The following CRADD variants were observed in gnomAD, a reference collection of about 807,000 sequenced individuals.
CRADD encodes the protein CARD and death domain containing adaptor protein, also known as death domain-containing protein CRADD.
A neutral mutation model predicts 15.5 loss-of-function variants in CRADD; 9 were observed. That is an observed-to-expected ratio of 0.58 (90% CI 0.35 to 1.01). The LOEUF (loss-of-function observed/expected upper bound fraction) is 1.01. Among genes scored for constraint, CRADD ranks in the 50% least tolerant of loss-of-function variants. The probability of loss-of-function intolerance (pLI) is 0.02; values close to 1 mark genes in which losing one functional copy is unlikely to be tolerated. For synonymous variants in CRADD, 118 were observed against 107.6 expected, an observed-to-expected ratio of 1.10 and a Z score of -0.60; for missense variants, 227 against 250.3, an observed-to-expected ratio of 0.91 and a Z score of 0.63.
At chr12:93,847,831 T>G (rs1010077991) in intron 2 of CRADD, among the ~76,000 whole-genome samples, 1 of 152,236 alleles carries the variant, frequency 6.6e-6, no homozygotes, top group African/African-American at 2.4e-5. Context: ...CAGTTAACCC[T>G]TGAGTTTTCG....
chr12:93,688,607 C>A (rs942979695), intron 2 of CRADD, among the ~76,000 whole-genome samples: 1 of 152,054 alleles, frequency 6.6e-6, no homozygotes, highest in South Asian at 2.1e-4. Context: ...CAGCTATATT[C>A]TAAGTCCTTT....
At chr12:93,845,380 G>A (rs60318766) in intron 2 of CRADD, among the ~76,000 whole-genome samples, 8,237 of 152,226 alleles carry the variant, frequency 0.054, 271 homozygotes, top group African/African-American at 0.085. Context: ...ATGGCAGTGA[G>A]TGTCATGACT....
chr12:93,879,368 C>T (rs1406210562), intron 2 of CRADD, among the ~76,000 whole-genome samples: 3 of 152,284 alleles, frequency 2.0e-5, no homozygotes, highest in Non-Finnish European at 4.4e-5. Flanking sequence ...TAATTCTCTA[C>T]TCATTCAGCT....
At chr12:93,881,468 A>G (rs902408221) in intron 2 of CRADD, among the ~76,000 whole-genome samples, 1 of 151,574 alleles carries the variant, frequency 6.6e-6, no homozygotes, top group Non-Finnish European at 1.5e-5. Flanking sequence ...AATCCTTTGC[A>G]GCTTCCAAGA....
At chr12:93,715,413 GA>G (rs1956144429) in intron 2 of CRADD, among the ~76,000 whole-genome samples, 1 of 152,206 alleles carries the variant, frequency 6.6e-6, no homozygotes. Context: ...TATTGTAGAG[GA>G]ACCTGTTTAT....
chr12:93,770,241 G>A lies in CRADD; in HGVS notation c.299-79729G>A, dbSNP rs376481298. 8.8e-4 allele frequency among the ~76,000 whole-genome samples: 133 copies of A among 151,400 alleles called. 1 individual carries two copies. In the East Asian group the frequency reaches 0.017, roughly 19 times the overall value. On this transcript the variant is annotated intron_variant, in intron 2 of 2. Coordinates refer to ENST00000332896, the MANE Select transcript of CRADD (RefSeq NM_003805.5). ...CTCCCGAGTAGCTGGGACTACAGGC[G>A]CCCGCCATCACGCCCGGCTAATTTT... is the stretch of plus-strand genomic sequence containing the variant.
At chr12:93,698,864 A>G (rs1463567989) in intron 2 of CRADD, among the ~76,000 whole-genome samples, 1 of 152,250 alleles carries the variant, frequency 6.6e-6, no homozygotes, top group Non-Finnish European at 1.5e-5. Context: ...ATTGGAACAC[A>G]GCCATGCTTA....
downstream of CRADD, among the ~76,000 whole-genome samples, chr12:93,854,932 G>A (rs1415333171): frequency 2.0e-5 from 3 of 152,054 alleles, no homozygotes; most frequent in Non-Finnish European, 4.4e-5. Context: ...GGTGGCTCAC[G>A]CCTATAATCC....
intron 2 of CRADD, among the ~76,000 whole-genome samples, chr12:93,742,440 GCCGGCTGCCTCTGCGGGCC>G (rs576081916): frequency 1.3e-5 from 2 of 150,726 alleles, no homozygotes; most frequent in Non-Finnish European, 3.0e-5. Flanking sequence ...GCCCTAGGGC[GCCGGCTGCCTCTGCGGGCC>G]CCGGCTGCCC....
intron 2 of CRADD, among the ~76,000 whole-genome samples, chr12:93,806,129 A>G (rs1263741811): frequency 6.6e-6 from 1 of 152,104 alleles, no homozygotes; most frequent in Admixed American, 6.6e-5. Context: ...GTCAGTTACC[A>G]TGAGCCTGGT....
intron 2 of CRADD, among the ~76,000 whole-genome samples, chr12:93,797,850 A>T (rs1464163959): frequency 6.6e-6 from 1 of 152,244 alleles, no homozygotes; most frequent in Non-Finnish European, 1.5e-5. Flanking sequence ...GCAGGCAAGT[A>T]TGGCGTAGAA....
At chr12:93,689,874 G>A (rs538103007) in intron 2 of CRADD, among the ~76,000 whole-genome samples, 5 of 152,338 alleles carry the variant, frequency 3.3e-5, no homozygotes, top group African/African-American at 1.2e-4. Flanking sequence ...GACTTGTCCT[G>A]TTGCTAGAAC....
downstream of CRADD, among the ~76,000 whole-genome samples, chr12:93,852,643 A>G (rs150869562): frequency 7.1e-4 from 108 of 152,308 alleles, no homozygotes; most frequent in African/African-American, 2.2e-3. Context: ...GCAGCTGCCT[A>G]CCTCCTAACA....
At chr12:93,778,380 C>T (rs972683397) in intron 2 of CRADD, among the ~76,000 whole-genome samples, 2 of 152,178 alleles carry the variant, frequency 1.3e-5, no homozygotes, top group Non-Finnish European at 2.9e-5. Flanking sequence ...CTGGCACATG[C>T]GCACGAGTTG....
chr12:93,738,642 G>T, intron 2 of CRADD: 1 of 534,472 alleles, frequency 1.9e-6, no homozygotes, highest in Non-Finnish European at 3.3e-6. Flanking sequence ...TGTAACCTTT[G>T]GTTATTCTTT....
At chr12:93,766,985 GA>G (rs1386863015) in intron 2 of CRADD, among the ~76,000 whole-genome samples, 1 of 152,192 alleles carries the variant, frequency 6.6e-6, no homozygotes, top group African/African-American at 2.4e-5. Context: ...TCAAGAAACA[GA>G]TACTCAAGTG....
intron 2 of CRADD, chr12:93,790,612 A>G (rs953486160): frequency 1.3e-5 from 2 of 152,046 alleles, no homozygotes; most frequent in African/African-American, 4.8e-5. Flanking sequence ...ATGGTTCTTG[A>G]TGGAAATCCC....
intron 2 of CRADD, among the ~76,000 whole-genome samples, chr12:93,842,307 C>T (rs1306242125): frequency 6.6e-6 from 1 of 152,174 alleles, no homozygotes; most frequent in African/African-American, 2.4e-5. Flanking sequence ...CCAGTTATTC[C>T]AGTGAAAGCA....
intron 2 of CRADD, among the ~76,000 whole-genome samples, chr12:93,709,935 C>T (rs1956031172): frequency 6.6e-6 from 1 of 152,132 alleles, no homozygotes; most frequent in Non-Finnish European, 1.5e-5. Context: ...TGTACTATAC[C>T]ATTTCTTTGT....
Sources: allele counts gnomAD v4.1 joint callset (sites outside exome capture counted in the v4.1 genomes callset), GRCh38; gene constraint gnomAD v4.1.1; transcripts MANE v1.5; gene names NCBI Gene and HGNC (gene_info 2026-07-23, HGNC 2026-07-21).